SNTG1: variants seen among roughly 807,000 people sequenced by gnomAD.
The protein encoded by SNTG1 is syntrophin gamma 1.
Under a neutral mutation model 74.7 loss-of-function variants are expected in SNTG1, and 39 were observed. That is an observed-to-expected ratio of 0.52 (90% CI 0.40 to 0.68). The LOEUF is 0.68. Among genes scored for constraint, SNTG1 ranks in the 30% least tolerant of loss-of-function variants. The probability of loss-of-function intolerance (pLI) is 0.00; values close to 1 mark genes in which losing one functional copy is unlikely to be tolerated. For missense variants in SNTG1, 685 were observed against 609.5 expected (o/e 1.12, Z -1.30); for synonymous variants, 254 against 217.1 (o/e 1.17, Z -1.49).
intron 2 of SNTG1, among the ~76,000 whole-genome samples, chr8:50,258,561 A>C (rs2086994956): frequency 6.6e-6 from 1 of 152,172 alleles, no homozygotes; most frequent in African/African-American, 2.4e-5. Flanking sequence ...ATATCTAATT[A>C]ACTAGAGAAT....
intron 2 of SNTG1, among the ~76,000 whole-genome samples, chr8:50,280,985 C>CAAA (rs35973666): frequency 3.3e-3 from 247 of 75,068 alleles, no homozygotes; most frequent in Middle Eastern, 0.016. Context: ...AACCCAGTCT[C>CAAA]AAAAAAAAAA....
chr8:50,075,349 T>C (rs1821761185), intron 1 of SNTG1, among the ~76,000 whole-genome samples: 1 of 152,196 alleles, frequency 6.6e-6, no homozygotes, highest in African/African-American at 2.4e-5. Context: ...AGAACTTTTA[T>C]GTCTGGCTGG....
At chr8:50,594,510 G>T (rs779712795) in intron 13 of SNTG1, among the ~76,000 whole-genome samples, 1 of 151,748 alleles carries the variant, frequency 6.6e-6, no homozygotes, top group Non-Finnish European at 1.5e-5. Flanking sequence ...TAACATATTA[G>T]CTCTGGTAGC....
At chr8:49,963,490 A>G (rs1454973376) in intron 1 of SNTG1, among the ~76,000 whole-genome samples, 3 of 152,124 alleles carry the variant, frequency 2.0e-5, no homozygotes, top group African/African-American at 7.2e-5. Flanking sequence ...TACTATTCCA[A>G]TGCAATAGTG....
At chr8:50,459,027 T>G (rs1165297401) in intron 8 of SNTG1, among the ~76,000 whole-genome samples, 1 of 152,198 alleles carries the variant, frequency 6.6e-6, no homozygotes, top group Non-Finnish European at 1.5e-5. Context: ...CCATGTCTTA[T>G]TCTAACGGTT....
At chr8:50,256,934 C>T (rs1414508548) in intron 2 of SNTG1, among the ~76,000 whole-genome samples, 1 of 152,130 alleles carries the variant, frequency 6.6e-6, no homozygotes, top group Non-Finnish European at 1.5e-5. Context: ...CTGCCTGCTA[C>T]CACCTCTGTG....
chr8:49,977,273 G>GTT (rs151332264), intron 1 of SNTG1, among the ~76,000 whole-genome samples: 19 of 150,118 alleles, frequency 1.3e-4, no homozygotes, highest in Middle Eastern at 3.4e-3. Context: ...AATTTAGACT[G>GTT]TTTTTTTTTC....
intron 1 of SNTG1, among the ~76,000 whole-genome samples, chr8:49,939,967 T>C (rs1469052150): frequency 6.6e-6 from 1 of 152,178 alleles, no homozygotes; most frequent in African/African-American, 2.4e-5. Context: ...TGAAAAAGTC[T>C]TATGATACAC....
chr8:50,272,958 G>A (rs1402156199), intron 2 of SNTG1, among the ~76,000 whole-genome samples: 1 of 151,438 alleles, frequency 6.6e-6, no homozygotes, highest in Non-Finnish European at 1.5e-5. Flanking sequence ...TACCCAGGCT[G>A]GTCTAGAACT....
intron 18 of SNTG1, among the ~76,000 whole-genome samples, chr8:50,781,396 G>T (rs1319348591): frequency 6.6e-6 from 1 of 152,046 alleles, no homozygotes; most frequent in African/African-American, 2.4e-5. Context: ...TCCTGTATTG[G>T]GTGCATATAT....
chr8:50,584,903 G>T (rs556737191), intron 12 of SNTG1, among the ~76,000 whole-genome samples: 9 of 152,184 alleles, frequency 5.9e-5, no homozygotes, highest in Admixed American at 1.3e-4. Context: ...GGTGGGCACT[G>T]GGTCCATGCG....
At chr8:50,079,348 A>T (rs553448150) in intron 1 of SNTG1, among the ~76,000 whole-genome samples, 1 of 151,792 alleles carries the variant, frequency 6.6e-6, no homozygotes, top group Admixed American at 6.6e-5. Flanking sequence ...TTGGCCACAT[A>T]AATATCTTCT....
chr8:50,096,310 A>G, intron 1 of SNTG1, among the ~76,000 whole-genome samples: 1 of 152,184 alleles, frequency 6.6e-6, no homozygotes, highest in Non-Finnish European at 1.5e-5. Flanking sequence ...TTAAATTACA[A>G]TAGTTCAAAT....
chr8:50,060,333 T>C (rs1013631018), intron 1 of SNTG1, among the ~76,000 whole-genome samples: 3 of 152,226 alleles, frequency 2.0e-5, no homozygotes, highest in African/African-American at 7.2e-5. Flanking sequence ...ACTCCCTTGA[T>C]GGTGTGTTTT....
chr8:50,243,657 C>T (rs3922033), intron 2 of SNTG1, among the ~76,000 whole-genome samples: 31,641 of 151,494 alleles, frequency 0.21, 3,728 homozygotes, highest in Middle Eastern at 0.36. Flanking sequence ...CATTTTAAGG[C>T]GTTTGGGCCA....
At chr8:49,988,720 G>A (rs318912) in intron 1 of SNTG1, among the ~76,000 whole-genome samples, 133,757 of 152,054 alleles carry the variant, frequency 0.88, 59,014 homozygotes, top group East Asian at 1. Flanking sequence ...TTTGATATAA[G>A]TGAAAATGAA....
In SNTG1 at chr8:50,202,576, G is replaced by GT. The variant is rs1019509729; in HGVS notation, c.-28+29948dup. Among the ~76,000 whole-genome samples, 6 of 151,912 alleles carry GT rather than the reference G, an allele frequency of 3.9e-5. 1 individual carries two copies. Among genetic ancestry groups the GT allele is most frequent in the South Asian group, 4.1e-4 (2 of 4,822 alleles). ...TGTTCTATTGCACAGATGACCCACA[G>GT]TTTTTTTATCCATTTGCTTATTAAA... On this transcript the variant is annotated intron_variant, in intron 2 of 18. Coordinates refer to ENST00000642720, the MANE Select transcript of SNTG1 (RefSeq NM_018967.5).
At chr8:50,520,132 T>C (rs913891743) in intron 9 of SNTG1, among the ~76,000 whole-genome samples, 1 of 152,042 alleles carries the variant, frequency 6.6e-6, no homozygotes, top group African/African-American at 2.4e-5. Flanking sequence ...TTAGAAATAA[T>C]GCCATACATC....
chr8:50,711,661 C>T lies in SNTG1; in HGVS notation c.1284+2683C>T, dbSNP rs150886574. Among the ~76,000 whole-genome samples, 1,110 of 152,222 alleles carry T rather than the reference C, an allele frequency of 7.3e-3. 8 individuals carry two copies. The highest frequency in any genetic ancestry group is 0.034 in the Middle Eastern group (10 of 294). On this transcript the variant is annotated intron_variant, in intron 17 of 18. Transcript: ENST00000642720. The stretch of plus-strand genomic sequence containing the variant: ...TGTCGAGCTAATTCTCATTACTTAC[C>T]ACCTGTGCTTGGAAGTTCCCAGAGT...
Sources: gnomAD v4.1 joint callset for allele counts (sites outside exome capture counted in the v4.1 genomes callset) on GRCh38, gnomAD v4.1.1 for gene constraint, MANE v1.5 for transcripts, NCBI Gene and HGNC (gene_info 2026-07-23, HGNC 2026-07-21) for gene names.